Variants in HNRNPD observed in about 807,000 individuals in gnomAD.
The protein encoded by HNRNPD is heterogeneous nuclear ribonucleoprotein D.
A neutral mutation model predicts 47.9 loss-of-function variants in HNRNPD; 3 were observed. The ratio of observed to expected loss-of-function variants is 0.06; its 90% CI spans 0.03 to 0.16. HNRNPD has a LOEUF of 0.16. HNRNPD is among the 10% of genes least tolerant of loss of function. The pLI, the probability that HNRNPD is intolerant of heterozygous loss-of-function variation, is 1.00. For missense variants in HNRNPD, 287 were observed against 454.2 expected, an observed-to-expected ratio of 0.63 and a Z score of 3.35; for synonymous variants, 171 against 165.1, an observed-to-expected ratio of 1.04 and a Z score of -0.28.
intron 2 of HNRNPD, among the ~76,000 whole-genome samples, chr4:82,362,454 G>C (rs894635324): frequency 4.0e-5 from 6 of 151,278 alleles, no homozygotes; most frequent in Non-Finnish European, 7.4e-5. Context: ...ATCAAAAAAG[G>C]TTGTTGTTCT....
chr4:82,371,453 T>C, intron 2 of HNRNPD, 75 bp downstream of exon 2: 1 of 1,182,894 alleles, frequency 8.5e-7, no homozygotes, highest in Non-Finnish European at 1.2e-6. Context: ...AATGGGCAAC[T>C]AACCAATACA....
intron 2 of HNRNPD, among the ~76,000 whole-genome samples, chr4:82,365,771 A>ATTTTTTTTTTT (rs80051188): frequency 1.9e-5 from 2 of 106,252 alleles, no homozygotes; most frequent in Non-Finnish European, 3.5e-5. Context: ...GGCCCAGCTA[A>ATTTTTTTTTTT]TTTTTTTTTT....
At chr4:82,372,796 T>G (rs1720124465) in intron 1 of HNRNPD, among the ~76,000 whole-genome samples, 1 of 152,184 alleles carries the variant, frequency 6.6e-6, no homozygotes, top group Non-Finnish European at 1.5e-5. Context: ...CAATTTGGTC[T>G]GCATGTCAAA....
chr4:82,363,123 C>A (rs1280524257), intron 2 of HNRNPD, among the ~76,000 whole-genome samples: 4 of 151,764 alleles, frequency 2.6e-5, no homozygotes, highest in Admixed American at 6.6e-5. Flanking sequence ...GTCGCCCGGG[C>A]TGGAGTGCAA....
rs753855033 is a variant in HNRNPD, at chr4:82,355,286, A to C, written c.*30+18T>G. ...CTACTATTGTAAATGACAAAAAAAA[A>C]CTATTTTTAGAACATACCTGTTGGG... On this transcript the variant is annotated intron_variant, in intron 8 of 8. Coordinates refer to ENST00000313899, the MANE Select transcript of HNRNPD (RefSeq NM_031370.3). 1.4e-5 allele frequency: 19 copies of C among 1,384,998 alleles called. No individual in the cohort carries two copies. The highest frequency in any genetic ancestry group is 4.7e-5 in the South Asian group (4 of 84,308). The allele number at this position is 1,384,998 out of a possible 1,614,324, so 85.8% of individuals were successfully genotyped here.
Position 82,359,537 on chromosome 4 carries a change from A to G in HNRNPD, c.393T>C (p.Asp131=). The G allele has an allele frequency of 1.2e-6, 2 of 1,605,396 alleles. No homozygotes were observed. Among genetic ancestry groups the G allele is most frequent in the Non-Finnish European group, 1.7e-6 (2 of 1,173,392 alleles). Reference sequence around the variant, plus strand: ...AACCCCTTGATCGCCCTGTGATAGGATCTAACTTCAGAGTGCAGTCTACAA... The same window carrying G: ...AACCCCTTGATCGCCCTGTGATAGGGTCTAACTTCAGAGTGCAGTCTACAA... The part of the protein sequence containing the change: ...GEVVDCTLKL[D]PITGRSRGFG... Residue 131 remains aspartate (D), a synonymous_variant, in exon 3 of 9, where the codon GAT becomes GAC. Transcript: ENST00000313899.
chr4:82,369,048 A>G (rs1321206494), intron 2 of HNRNPD, among the ~76,000 whole-genome samples: 1 of 152,238 alleles, frequency 6.6e-6, no homozygotes, highest in Admixed American at 6.5e-5. Flanking sequence ...AATGCAGGAA[A>G]GTCTATGTAC....
chr4:82,373,291 G>A (rs1481158677), intron 1 of HNRNPD, 155 bp downstream of exon 1: 3 of 1,019,032 alleles, frequency 2.9e-6, no homozygotes, highest in Admixed American at 2.5e-5. Flanking sequence ...TGAAGGTCCG[G>A]GGAACCCAAC....
intron 2 of HNRNPD, among the ~76,000 whole-genome samples, chr4:82,360,336 G>A (rs1038592789): frequency 4.0e-5 from 6 of 151,708 alleles, no homozygotes; most frequent in Non-Finnish European, 8.8e-5. Context: ...GGTGGTAAGC[G>A]GAAATCCACC....
rs17485108 is a variant in HNRNPD at position 82,371,880 on chromosome 4, A to T, written c.234-296T>A. On this transcript the variant is annotated intron_variant, in intron 1 of 8. Coordinates refer to ENST00000313899, the MANE Select transcript of HNRNPD (RefSeq NM_031370.3). The stretch of plus-strand genomic sequence containing the variant: ...TCTTCCTTTCTCAAATAAGCTATAT[A>T]CAATTCGAGTTGGTTCTGTTTAATT... Among the ~76,000 whole-genome samples, 28,119 of 152,048 alleles carry T rather than the reference A, an allele frequency of 0.18. 2,856 individuals are homozygous for T. Among genetic ancestry groups the T allele is most frequent in the Non-Finnish European group, 0.23 (15,592 of 67,956 alleles).
At chr4:82,370,900 G>A (rs1222460263) in intron 2 of HNRNPD, among the ~76,000 whole-genome samples, 2 of 151,792 alleles carry the variant, frequency 1.3e-5, no homozygotes, top group Admixed American at 6.6e-5. Context: ...TAATATTCCA[G>A]CCAAATCACA....
chr4:82,366,939 C>T (rs182901520), intron 2 of HNRNPD, among the ~76,000 whole-genome samples: 2 of 152,134 alleles, frequency 1.3e-5, no homozygotes, highest in Admixed American at 6.5e-5. Flanking sequence ...CAGCCCTGAG[C>T]TCCTTCCTGG....
chr4:82,373,363 G>A, intron 1 of HNRNPD, 83 bp downstream of exon 1: 1 of 1,499,494 alleles, frequency 6.7e-7, no homozygotes, highest in South Asian at 1.3e-5. Flanking sequence ...GGCTGAGAGC[G>A]GGAACCAGGC....
At chr4:82,369,398 G>GT (rs1560439470) in intron 2 of HNRNPD, among the ~76,000 whole-genome samples, 1 of 152,188 alleles carries the variant, frequency 6.6e-6, no homozygotes, top group Non-Finnish European at 1.5e-5. Context: ...CACTAGAGGT[G>GT]TAACAGGCAT....
intron 3 of HNRNPD, among the ~76,000 whole-genome samples, 173 bp from the exon 4 acceptor site, chr4:82,358,993 T>G (rs1723847140): frequency 6.6e-6 from 1 of 152,174 alleles, no homozygotes; most frequent in South Asian, 2.1e-4. Flanking sequence ...CATATACTGT[T>G]TAAATCTAAA....
chr4:82,372,537 G>A (rs1190717652), intron 1 of HNRNPD, among the ~76,000 whole-genome samples: 4 of 152,244 alleles, frequency 2.6e-5, no homozygotes, highest in East Asian at 3.9e-4. Flanking sequence ...GGGGCTGGGG[G>A]TTGTAAAAAA....
intron 4 of HNRNPD, 71 bp downstream of exon 4, chr4:82,358,588 T>C (rs1723827086): frequency 1.4e-6 from 2 of 1,387,562 alleles, no homozygotes; most frequent in Non-Finnish European, 2.0e-6. Context: ...CAAGTGACTC[T>C]GAGTCCATAA....
Position 82,373,604 on chromosome 4 carries a change from C to T in HNRNPD, c.75G>A (p.Glu25=), listed in dbSNP as rs1467907674. 1 of 1,530,104 alleles carries T rather than the reference C, an allele frequency of 6.5e-7. No individual in the cohort carries two copies. Among genetic ancestry groups the T allele is most frequent in the East Asian group, 2.5e-5 (1 of 39,828 alleles). The allele number at this position is 1,530,104 out of a possible 1,614,324, so 94.8% of individuals were successfully genotyped here. ...TCGCCGCCACCATGGCTCCCTCCTGCTCGCCCGCCGAGCCGCCTACCGCCG... is the reference window on the plus strand; with the variant it reads ...TCGCCGCCACCATGGCTCCCTCCTGTTCGCCCGCCGAGCCGCCTACCGCCG... ...ATAAVGGSAG[E]QEGAMVAATQ... is the part of the protein sequence containing the mutation. Residue 25 remains glutamate (E), a synonymous_variant, in exon 1 of 9, where the codon GAG becomes GAA. Coordinates refer to ENST00000313899, the MANE Select transcript of HNRNPD (RefSeq NM_031370.3).
chr4:82,362,805 G>A (rs1458535730), intron 2 of HNRNPD, among the ~76,000 whole-genome samples: 1 of 151,994 alleles, frequency 6.6e-6, no homozygotes, highest in Non-Finnish European at 1.5e-5. Flanking sequence ...TCCCCTCGTT[G>A]GCCAGGCTGG....
Sources: allele counts gnomAD v4.1 joint callset (sites outside exome capture counted in the v4.1 genomes callset), GRCh38; gene constraint gnomAD v4.1.1; transcripts MANE v1.5; gene names NCBI Gene and HGNC (gene_info 2026-07-23, HGNC 2026-07-21).